PVT1: variants seen among roughly 807,000 people sequenced by gnomAD.
PVT1 encodes the protein CXCR4/PVT1 fusion.
intron 5 of PVT1, among the ~76,000 whole-genome samples, chr8:128,090,108 G>A (rs534769739): frequency 6.6e-6 from 1 of 152,330 alleles, no homozygotes; most frequent in South Asian, 2.1e-4. Flanking sequence ...CTATGGGATG[G>A]GGACCTGAAT....
At chr8:127,889,928 A>G (rs1283429588) in intron 2 of PVT1, among the ~76,000 whole-genome samples, 1 of 152,192 alleles carries the variant, frequency 6.6e-6, no homozygotes, top group African/African-American at 2.4e-5. Flanking sequence ...ATTGTGGATC[A>G]ATTTGTTCTT....
intron 2 of PVT1, among the ~76,000 whole-genome samples, chr8:127,806,472 A>G (rs1056536749): frequency 1.3e-5 from 2 of 152,166 alleles, no homozygotes; most frequent in Non-Finnish European, 2.9e-5. Context: ...AAATTAAAAA[A>G]AAAAGCAAAG....
chr8:127,921,246 AG>A (rs1816053212), intron 3 of PVT1, among the ~76,000 whole-genome samples: 1 of 152,152 alleles, frequency 6.6e-6, no homozygotes, highest in African/African-American at 2.4e-5. Context: ...GCAATTGGGG[AG>A]CACTAGCAGA....
In PVT1 at chr8:127,805,578, A is replaced by G. The variant is rs114749390; in HGVS notation, n.372+9507A>G. On this transcript the variant is annotated intron_variant and non_coding_transcript_variant, in intron 2 of 10. Coordinates refer to ENST00000651587, the Ensembl canonical transcript of PVT1. ...TATATGCTCGCACATGTTTATGTGC[A>G]GCCTATGCACCTGTATTGGATTTTT... Among the ~76,000 whole-genome samples, 1,256 of 152,290 alleles carry G rather than the reference A, an allele frequency of 8.2e-3. 23 individuals are homozygous for G. The highest frequency in any genetic ancestry group is 0.028 in the African/African-American group (1,172 of 41,554).
chr8:127,895,574 G>T (rs913591544), intron 3 of PVT1, among the ~76,000 whole-genome samples: 2 of 152,008 alleles, frequency 1.3e-5, no homozygotes, highest in Admixed American at 1.3e-4. Context: ...TCAGTGCCAG[G>T]CATATAATAT....
chr8:128,074,504 C>T (rs1390649127), intron 5 of PVT1, among the ~76,000 whole-genome samples: 3 of 136,478 alleles, frequency 2.2e-5, no homozygotes, highest in East Asian at 4.7e-4. Flanking sequence ...GCCTGAGTGA[C>T]AGAGTGAGAC....
intron 4 of PVT1, among the ~76,000 whole-genome samples, chr8:128,042,068 T>C (rs1460893062): frequency 6.6e-6 from 1 of 152,190 alleles, no homozygotes; most frequent in Non-Finnish European, 1.5e-5. Flanking sequence ...TGGTACTGAG[T>C]AATCCCGTTT....
intron 4 of PVT1, among the ~76,000 whole-genome samples, chr8:128,044,070 A>AGCTCAGGCTGGAG (rs1813583194): frequency 6.8e-6 from 1 of 147,422 alleles, no homozygotes; most frequent in Non-Finnish European, 1.5e-5. Context: ...GGCTGGTGTC[A>AGCTCAGGCTGGAG]ACCTCCTGGT....
chr8:127,796,486 T>TC (rs1814397961), intron 2 of PVT1, among the ~76,000 whole-genome samples: 1 of 152,116 alleles, frequency 6.6e-6, no homozygotes. Flanking sequence ...GTTTTTTTTT[T>TC]CCGCCTCCTG....
intron 2 of PVT1, among the ~76,000 whole-genome samples, chr8:127,848,459 G>A (rs1022255552): frequency 8.6e-5 from 13 of 151,926 alleles, no homozygotes; most frequent in South Asian, 2.1e-4. Context: ...TGAGGTGGGC[G>A]GATCACCTGA....
intron 2 of PVT1, among the ~76,000 whole-genome samples, chr8:127,816,592 C>T (rs745344022): frequency 1.3e-5 from 2 of 151,110 alleles, no homozygotes; most frequent in Admixed American, 6.6e-5. Context: ...AGCATGATCT[C>T]GGCTAACTGT....
At chr8:127,891,168 T>C (rs1478648803) in intron 3 of PVT1, among the ~76,000 whole-genome samples, 1 of 152,226 alleles carries the variant, frequency 6.6e-6, no homozygotes, top group Non-Finnish European at 1.5e-5. Flanking sequence ...TTCCCTGCCC[T>C]GACGTGTGTT....
chr8:127,854,774 A>T (rs886356356), intron 2 of PVT1: 11 of 162,350 alleles, frequency 6.8e-5, no homozygotes, highest in African/African-American at 2.4e-4. Context: ...GAGCATACAC[A>T]TCTCCTGCGT....
intron 4 of PVT1, among the ~76,000 whole-genome samples, chr8:128,020,841 C>T (rs1280456108): frequency 6.6e-6 from 1 of 152,180 alleles, no homozygotes; most frequent in East Asian, 1.9e-4. Context: ...TTTTCCAGAG[C>T]GTGTTTGCAC....
At chr8:127,848,945 C>T (rs1052456415) in intron 2 of PVT1, among the ~76,000 whole-genome samples, 1 of 152,150 alleles carries the variant, frequency 6.6e-6, no homozygotes, top group Non-Finnish European at 1.5e-5. Flanking sequence ...ATGGTGTGGA[C>T]CACGCTGAAG....
chr8:127,929,975 G>T (rs974164995), intron 3 of PVT1, among the ~76,000 whole-genome samples: 6 of 152,206 alleles, frequency 3.9e-5, no homozygotes, highest in African/African-American at 1.4e-4. Flanking sequence ...TCCTAAGGGA[G>T]AATGTCTTTG....
chr8:128,021,562 G>T (rs1427980154), intron 4 of PVT1, among the ~76,000 whole-genome samples: 1 of 151,970 alleles, frequency 6.6e-6, no homozygotes, highest in Non-Finnish European at 1.5e-5. Flanking sequence ...CAAAGTGCTG[G>T]GATTACAGGC....
In PVT1 at chr8:127,936,900, G is replaced by T. The variant is rs183133823; in HGVS notation, n.782+45902G>T. 9.8e-5 allele frequency among the ~76,000 whole-genome samples: 15 copies of T among 152,342 alleles called. 1 individual carries two copies. The East Asian group carries it at 2.7e-3, about 27-fold the overall frequency. ...TCCCTAGACACACTGTGTGTCCTTG[G>T]TTGGATTCTCTAGATGGGAGGGACC... On this transcript the variant is annotated intron_variant and non_coding_transcript_variant, in intron 3 of 10. Coordinates refer to ENST00000651587, the Ensembl canonical transcript of PVT1.
At chr8:127,879,036 C>A (rs59335050) in intron 2 of PVT1, among the ~76,000 whole-genome samples, 1,737 of 152,336 alleles carry the variant, frequency 0.011, 39 homozygotes, top group African/African-American at 0.039. Flanking sequence ...AAGAGCAAGG[C>A]GTGAGCCCTA....
Sources: gnomAD v4.1 joint callset for allele counts (sites outside exome capture counted in the v4.1 genomes callset) on GRCh38, gnomAD v4.1.1 for gene constraint, MANE v1.5 for transcripts, NCBI Gene and HGNC (gene_info 2026-07-23, HGNC 2026-07-21) for gene names.